The following ABI3BP variants were observed in gnomAD, a reference collection of about 807,000 sequenced individuals.
The protein encoded by ABI3BP is ABI family member 3 binding protein.
A neutral mutation model predicts 268.6 loss-of-function variants in ABI3BP; 216 were observed. That is an observed-to-expected ratio of 0.80 (90% CI 0.72 to 0.90). The LOEUF (loss-of-function observed/expected upper bound fraction) is 0.90. Among genes scored for constraint, ABI3BP ranks in the 40% least tolerant of loss-of-function variants. The pLI is 0.00. For missense variants in ABI3BP, 2,090 were observed against 2,182.4 expected (o/e 0.96, Z 0.84); for synonymous variants, 730 against 730.0 (o/e 1.00, Z 0.00).
chr3:100,789,353 T>A, intron 56 of ABI3BP, 101 bp downstream of exon 56: 1 of 1,072,138 alleles, frequency 9.3e-7, no homozygotes, highest in Non-Finnish European at 1.4e-6. Context: ...ACATCTCTTA[T>A]TGCAATGTAA....
At chr3:100,989,283 C>T (rs1530731) in intron 1 of ABI3BP, among the ~76,000 whole-genome samples, 129,800 of 152,160 alleles carry the variant, frequency 0.85, 55,414 homozygotes, top group East Asian at 0.95. Context: ...TATTTTGTCA[C>T]AGAAGCACGA....
At chr3:100,774,836 G>C (rs1386143198) in intron 60 of ABI3BP, among the ~76,000 whole-genome samples, 163 bp from the exon 61 acceptor site, 1 of 152,132 alleles carries the variant, frequency 6.6e-6, no homozygotes, top group Non-Finnish European at 1.5e-5. Context: ...AAGGCCATTA[G>C]TTGTGTCCTG....
At chr3:100,865,413 G>A (rs2099040162) in intron 10 of ABI3BP, among the ~76,000 whole-genome samples, 1 of 152,262 alleles carries the variant, frequency 6.6e-6, no homozygotes, top group African/African-American at 2.4e-5. Flanking sequence ...AATATGCAAA[G>A]CTTGAAAATG....
chr3:100,820,989 G>C, intron 39 of ABI3BP, 65 bp downstream of exon 39: 1 of 1,317,150 alleles, frequency 7.6e-7, no homozygotes, highest in South Asian at 1.3e-5. Context: ...CTGCGGCTAT[G>C]ATGATGGAAT....
At chr3:100,816,662 C>T in intron 43 of ABI3BP, 26 bp downstream of exon 43, 1 of 1,524,364 alleles carries the variant, frequency 6.6e-7, no homozygotes, top group East Asian at 2.4e-5. Context: ...TCCTTGGCTA[C>T]TTAAGCCAAG....
At chr3:100,931,178 G>A (rs908010184) in intron 1 of ABI3BP, among the ~76,000 whole-genome samples, 6 of 151,926 alleles carry the variant, frequency 3.9e-5, no homozygotes, top group African/African-American at 9.7e-5. Context: ...ACTAGGCATC[G>A]AAGGACCATA....
chr3:100,890,626 T>C (rs893406730), intron 4 of ABI3BP, among the ~76,000 whole-genome samples: 1 of 152,166 alleles, frequency 6.6e-6, no homozygotes, highest in Non-Finnish European at 1.5e-5. Flanking sequence ...AATTTCTTAA[T>C]AATCTGTCTT....
chr3:100,826,131 A>G (rs1170572711), intron 34 of ABI3BP, among the ~76,000 whole-genome samples: 2 of 152,192 alleles, frequency 1.3e-5, no homozygotes, highest in Non-Finnish European at 2.9e-5. Flanking sequence ...TATGAAAGAG[A>G]GACATGAGCT....
intron 3 of ABI3BP, among the ~76,000 whole-genome samples, chr3:100,901,433 C>T (rs940640642): frequency 2.5e-5 from 3 of 119,616 alleles, no homozygotes; most frequent in East Asian, 1.9e-4. Flanking sequence ...GATGAACATG[C>T]TTTGGCAATA....
intron 20 of ABI3BP, chr3:100,844,066 C>T (rs115411115): frequency 2.3e-4 from 230 of 981,392 alleles, no homozygotes; most frequent in Non-Finnish European, 2.7e-4. Flanking sequence ...TCTTCTGACA[C>T]GCCTTCTATT....
intron 1 of ABI3BP, among the ~76,000 whole-genome samples, chr3:100,959,476 C>A (rs1000486860): frequency 8.9e-6 from 1 of 112,320 alleles, no homozygotes; most frequent in Non-Finnish European, 1.7e-5. Flanking sequence ...GGCGACAGAG[C>A]GAGACTCCGT....
At chr3:100,758,457 T>C (rs1397853324) in intron 63 of ABI3BP, among the ~76,000 whole-genome samples, 2 of 152,188 alleles carry the variant, frequency 1.3e-5, no homozygotes, top group East Asian at 1.9e-4. Flanking sequence ...GTTTCTGTTA[T>C]TGGGGAATTT....
intron 34 of ABI3BP, 99 bp downstream of exon 34, chr3:100,828,294 G>A (rs564528343): frequency 7.8e-5 from 91 of 1,159,752 alleles, no homozygotes; most frequent in Admixed American, 6.4e-4. Flanking sequence ...ATGTTCAACC[G>A]TTACAAAACC....
intron 63 of ABI3BP, among the ~76,000 whole-genome samples, chr3:100,758,597 CCTTT>C (rs1276629219): frequency 6.6e-6 from 1 of 152,082 alleles, no homozygotes; most frequent in African/African-American, 2.4e-5. Context: ...AACAGGTAAA[CCTTT>C]CTGCCTGCCA....
chr3:100,838,908 C>T (rs1269612899), intron 24 of ABI3BP, among the ~76,000 whole-genome samples: 4 of 151,972 alleles, frequency 2.6e-5, no homozygotes, highest in African/African-American at 7.2e-5. Context: ...CTGGGATTTC[C>T]CAAAGTAAAG....
chr3:100,820,017 A>T (rs1286908343), intron 40 of ABI3BP, among the ~76,000 whole-genome samples: 2 of 152,016 alleles, frequency 1.3e-5, no homozygotes, highest in East Asian at 3.9e-4. Context: ...ACCTATATGC[A>T]GAAAATGCAA....
intron 13 of ABI3BP, 28 bp from the exon 14 acceptor site, chr3:100,862,413 G>T: frequency 2.0e-6 from 3 of 1,479,656 alleles, no homozygotes; most frequent in East Asian, 2.4e-5. Context: ...GGAATTTGCT[G>T]AAGATTTTTT....
chr3:100,933,299 G>A (rs1283485495), intron 1 of ABI3BP, among the ~76,000 whole-genome samples: 2 of 151,802 alleles, frequency 1.3e-5, no homozygotes, highest in East Asian at 1.9e-4. Context: ...TAAAAGAATA[G>A]CTATAATACT....
chr3:100,925,259 T>A (rs1343152759), intron 2 of ABI3BP, among the ~76,000 whole-genome samples: 1 of 152,132 alleles, frequency 6.6e-6, no homozygotes. Context: ...AGAGCTGATA[T>A]AAAGTAATTG....
Sources: allele counts gnomAD v4.1 joint callset (sites outside exome capture counted in the v4.1 genomes callset), GRCh38; gene constraint gnomAD v4.1.1; transcripts MANE v1.5; gene names NCBI Gene and HGNC (gene_info 2026-07-23, HGNC 2026-07-21).